Variants in ANKRD28 observed in about 807,000 individuals in gnomAD.
ANKRD28 encodes the protein serine/threonine-protein phosphatase 6 regulatory ankyrin repeat subunit A.
A neutral mutation model predicts 126.5 loss-of-function variants in ANKRD28; 44 were observed. The observed-to-expected ratio is 0.35, with a 90% CI of 0.27 to 0.45. ANKRD28 has a LOEUF of 0.45. Ranked by LOEUF, ANKRD28 falls within the 20% of genes least tolerant of loss-of-function variation. The pLI is 1.00. For synonymous variants in ANKRD28, 442 were observed against 468.5 expected (o/e 0.94, Z 0.73); for missense variants, 1,110 against 1,316.6 (o/e 0.84, Z 2.43).
At chr3:15,712,906 A>G (rs1363205107) in intron 10 of ANKRD28, among the ~76,000 whole-genome samples, 1 of 152,340 alleles carries the variant, frequency 6.6e-6, no homozygotes, top group African/African-American at 2.4e-5. Context: ...ACCATTACAG[A>G]AAGTAAAAAA....
chr3:15,734,156 G>A (rs1465770095), intron 6 of ANKRD28, among the ~76,000 whole-genome samples: 3 of 152,214 alleles, frequency 2.0e-5, no homozygotes, highest in African/African-American at 7.2e-5. Context: ...GGTTCCCCAT[G>A]GCTGACTATG....
Position 15,845,613 on chromosome 3 carries a change from A to T in ANKRD28, c.27+13764T>A, listed in dbSNP as rs756793526. 6.6e-6 allele frequency among the ~76,000 whole-genome samples: 1 copy of T among 152,210 alleles called. No individual in the cohort carries two copies. Among genetic ancestry groups the T allele is most frequent in the Non-Finnish European group, 1.5e-5 (1 of 68,032 alleles). On this transcript the variant is annotated intron_variant, in intron 1 of 27. Transcript: ENST00000399451. This position sits in a 1 kb window ranked among gnomAD's most constrained non-coding sequence, Gnocchi z 4.9. Reference sequence around the variant, plus strand: ...ACTCCACTGCTCACTCTGATGCTGAAGTCTGCTTATACATCCTTTAAAAGC... The same window carrying T: ...ACTCCACTGCTCACTCTGATGCTGATGTCTGCTTATACATCCTTTAAAAGC...
At chr3:15,850,198 AAAAAAAATAT>A (rs1475053595) in intron 1 of ANKRD28, among the ~76,000 whole-genome samples, 10 of 42,130 alleles carry the variant, frequency 2.4e-4, no homozygotes, top group African/African-American at 7.2e-4. Flanking sequence ...AATAAAAAAA[AAAAAAAATAT>A]ATATATATAT....
chr3:15,669,161 T>G lies in ANKRD28; in HGVS notation c.*1109A>C, dbSNP rs539090299. The G allele has an allele frequency of 5.7e-4, 87 of 152,310 alleles. No individual in the cohort carries two copies. Among genetic ancestry groups the G allele is most frequent in the African/African-American group, 1.9e-3 (81 of 41,572 alleles). The allele number at this position is 152,310 out of a possible 1,614,324, so 9.4% of individuals were successfully genotyped here. ...TTTTAAATCTTGCCCAATACAGAAA[T>G]GCCTTTCAAGAGACTTTAGTGATGC... On this transcript the variant is annotated 3_prime_UTR_variant, in exon 28 of 28. Transcript: ENST00000683139.
At chr3:15,786,144 T>C (rs970510309) in intron 2 of ANKRD28, among the ~76,000 whole-genome samples, 19 of 152,110 alleles carry the variant, frequency 1.2e-4, no homozygotes, top group African/African-American at 3.4e-4. Context: ...CAATGTATAA[T>C]ACCAGGAGTG....
intron 15 of ANKRD28, 98 bp downstream of exon 15, chr3:15,696,036 A>C (rs1435386042): frequency 3.5e-6 from 3 of 852,692 alleles, no homozygotes; most frequent in African/African-American, 1.7e-5. Flanking sequence ...TTAAAAAACA[A>C]AATGGAATTT....
At chr3:15,695,680 T>C (rs550944926) in intron 15 of ANKRD28, among the ~76,000 whole-genome samples, 20 of 152,222 alleles carry the variant, frequency 1.3e-4, no homozygotes, top group Middle Eastern at 3.4e-3. Context: ...TATTCCAGAA[T>C]CAGACCACAG....
At chr3:15,781,141 TAAAGA>T (rs1343498597) in intron 2 of ANKRD28, among the ~76,000 whole-genome samples, 1 of 151,732 alleles carries the variant, frequency 6.6e-6, no homozygotes, top group Non-Finnish European at 1.5e-5. Flanking sequence ...GTATATTTGA[TAAAGA>T]ATTTATATTC....
At chr3:15,687,747 A>G (rs143456874) in intron 18 of ANKRD28, among the ~76,000 whole-genome samples, 3 of 152,274 alleles carry the variant, frequency 2.0e-5, no homozygotes, top group East Asian at 1.9e-4. Context: ...CAGCTCTCAC[A>G]GCTTAGCAAC....
intron 21 of ANKRD28, among the ~76,000 whole-genome samples, chr3:15,680,956 C>A (rs2067476746): frequency 6.6e-6 from 1 of 152,172 alleles, no homozygotes; most frequent in African/African-American, 2.4e-5. Flanking sequence ...CATAAGCCAC[C>A]ACGGCCAACA....
At chr3:15,783,428 C>T (rs1355368542) in intron 2 of ANKRD28, among the ~76,000 whole-genome samples, 2 of 151,772 alleles carry the variant, frequency 1.3e-5, no homozygotes, top group South Asian at 2.1e-4. Context: ...CTGGTGAGAA[C>T]GTAAAATGAT....
Position 15,817,324 on chromosome 3 carries a change from AAACT to A in ANKRD28, c.28-22022_28-22019del, listed in dbSNP as rs1242220853. On this transcript the variant is annotated intron_variant, in intron 1 of 27. Transcript: ENST00000399451. This position sits in a 1 kb window ranked among gnomAD's most constrained non-coding sequence, Gnocchi z 4.5. ...CTAGATAGAAAATTTTATAGGTTAT[AAACT>A]AACATCGGCAATTTCATATGGTCCA... 6.6e-6 allele frequency among the ~76,000 whole-genome samples: 1 copy of A among 152,096 alleles called. No homozygotes were observed. The highest frequency in any genetic ancestry group is 2.4e-5 in the African/African-American group (1 of 41,396).
At chr3:15,740,062 A>T (rs939351341) in intron 4 of ANKRD28, among the ~76,000 whole-genome samples, 2 of 152,270 alleles carry the variant, frequency 1.3e-5, no homozygotes, top group Non-Finnish European at 2.9e-5. Context: ...ATTACTCAGC[A>T]ATGAAAATGA....
In ANKRD28 at chr3:15,805,015, T is replaced by C. The variant is rs187981892; in HGVS notation, c.28-9709A>G. Among the ~76,000 whole-genome samples the C allele has an allele frequency of 1.2e-3, 171 of 145,564 alleles. 15 individuals carry two copies. Among genetic ancestry groups the C allele is most frequent in the South Asian group, 3.2e-3 (14 of 4,344 alleles). On this transcript the variant is annotated intron_variant, in intron 1 of 27. Coordinates refer to the ANKRD28 transcript ENST00000399451. The stretch of plus-strand genomic sequence containing the variant: ...TTTCCTCCTCCCAACACACATGTAC[T>C]TACGTAGCAGGTACTTACGAAAACA...
intron 1 of ANKRD28, among the ~76,000 whole-genome samples, chr3:15,848,351 C>CA (rs1208608712): frequency 6.6e-6 from 1 of 152,084 alleles, no homozygotes; most frequent in African/African-American, 2.4e-5. Flanking sequence ...CTACCTTGTG[C>CA]AAGACAGGGG....
intron 1 of ANKRD28, among the ~76,000 whole-genome samples, chr3:15,836,820 T>A (rs948897328): frequency 1.3e-5 from 2 of 152,090 alleles, no homozygotes; most frequent in Non-Finnish European, 2.9e-5. Context: ...CTCACGCCTG[T>A]AATCCCAGCT....
Position 15,850,204 on chromosome 3 carries a change from A to ATATATATATAT in ANKRD28, c.27+9172_27+9173insATATATATATA, listed in dbSNP as rs1553650054. ...TCTACATGCAATAAAAAAAAAAAAA[A>ATATATATATAT]ATATATATATATATATATATAGAGA... On this transcript the variant is annotated intron_variant, in intron 1 of 27. Transcript: ENST00000399451. 2.4e-3 allele frequency among the ~76,000 whole-genome samples: 132 copies of ATATATATATAT among 54,762 alleles called. 1 individual carries two copies. Among genetic ancestry groups the ATATATATATAT allele is most frequent in the East Asian group, 3.6e-3 (10 of 2,746 alleles). The allele number at this position is 54,762 out of a possible 152,430, so 35.9% of individuals were successfully genotyped here.
intron 3 of ANKRD28, among the ~76,000 whole-genome samples, chr3:15,758,184 A>G (rs2058268953): frequency 6.6e-6 from 1 of 152,240 alleles, no homozygotes; most frequent in African/African-American, 2.4e-5. Flanking sequence ...CTCCTAAATC[A>G]CAGAGGAGAT....
intron 18 of ANKRD28, among the ~76,000 whole-genome samples, chr3:15,688,489 C>CTA: frequency 6.6e-6 from 1 of 152,146 alleles, no homozygotes; most frequent in Non-Finnish European, 1.5e-5. Context: ...GCATTTTAAC[C>CTA]TCTTGTTCAA....
Sources: gnomAD v4.1 joint callset for allele counts (sites outside exome capture counted in the v4.1 genomes callset) on GRCh38, gnomAD v4.1.1 for gene constraint, Gnocchi (gnomAD v3.1) non-coding constraint, MANE v1.5 for transcripts, NCBI Gene and HGNC (gene_info 2026-07-23, HGNC 2026-07-21) for gene names.